Variants in TPRX1 observed in about 807,000 individuals in gnomAD.
TPRX1 encodes tetrapeptide repeat homeobox 1.
TPRX1 carries 2 observed loss-of-function variants against 8.1 expected under a neutral mutation model. That is an observed-to-expected ratio of 0.25 (90% CI 0.10 to 0.78). TPRX1 has a LOEUF of 0.78. TPRX1 is among the 30% of genes least tolerant of loss of function. TPRX1 has a pLI of 0.70. For synonymous variants in TPRX1, 257 were observed against 254.1 expected (o/e 1.01, Z -0.11); for missense variants, 517 against 586.9 (o/e 0.88, Z 1.23).
chr19:47,808,083 C>T (rs978530673), intron 2 of TPRX1, among the ~76,000 whole-genome samples: 5 of 151,634 alleles, frequency 3.3e-5, no homozygotes, highest in African/African-American at 1.2e-4. Context: ...GCAAGTACCA[C>T]CATGTCCGGG....
At chr19:47,814,026 C>T (rs1424880415) in intron 2 of TPRX1, among the ~76,000 whole-genome samples, 2 of 149,384 alleles carry the variant, frequency 1.3e-5, no homozygotes, top group Non-Finnish European at 3.0e-5. Context: ...TAGGGAACCA[C>T]ATTTAAGGGG....
rs538092726 is a variant in TPRX1 at position 47,802,985 on chromosome 19, G to T, written c.322-5C>A. On this transcript the variant is annotated splice_polypyrimidine_tract_variant and splice_region_variant and intron_variant, in intron 3 of 3. Transcript: ENST00000535759. ...GCGGCGATTCTTGAACCACACCTGG[G>T]GGGCAGAGGGGACAGGGAGAAGGTG... 1 of 1,541,824 alleles carries T rather than the reference G, an allele frequency of 6.5e-7. No individual in the cohort carries two copies. The highest frequency in any genetic ancestry group is 8.7e-7 in the Non-Finnish European group (1 of 1,153,080).
chr19:47,801,936 G>A (rs774244027), exon 4 of TPRX1: 55 of 1,614,048 alleles, frequency 3.4e-5, no homozygotes, highest in Admixed American at 5.0e-5. Flanking sequence ...GGGTCTAGGG[G>A]TAGGAGCAGC....
At chr19:47,809,213 G>A (rs570789978) in intron 2 of TPRX1, among the ~76,000 whole-genome samples, 2 of 152,218 alleles carry the variant, frequency 1.3e-5, no homozygotes, top group South Asian at 4.2e-4. Context: ...TTTGAAGAAT[G>A]TACACATTTA....
chr19:47,805,254 T>C (rs2123713488), intron 2 of TPRX1, among the ~76,000 whole-genome samples: 1 of 152,304 alleles, frequency 6.6e-6, no homozygotes, highest in East Asian at 1.9e-4. Flanking sequence ...TGCTGGTTTA[T>C]TCCAGTTTAT....
At chr19:47,811,562 G>A (rs35893188) in intron 2 of TPRX1, among the ~76,000 whole-genome samples, 3 of 147,938 alleles carry the variant, frequency 2.0e-5, no homozygotes, top group Admixed American at 6.9e-5. Context: ...ACAGTGGCGC[G>A]ATCTCGGCTC....
Position 47,803,860 on chromosome 19 carries a change from G to A in TPRX1, c.152-187C>T, listed in dbSNP as rs1209958620. Among the ~76,000 whole-genome samples, 3 of 151,978 alleles carry A rather than the reference G, an allele frequency of 2.0e-5. No individual in the cohort carries two copies. In the East Asian group the frequency reaches 5.9e-4, roughly 30 times the overall value. ...CCTCAGGGTCCACATCTAGGAAATA[G>A]GCGCGATAACAGCTCCTGGGAAGGC... On this transcript the variant is annotated intron_variant, in intron 2 of 3. Transcript: ENST00000535759.
intron 2 of TPRX1, among the ~76,000 whole-genome samples, chr19:47,805,461 G>A (rs907364608): frequency 3.9e-5 from 6 of 152,148 alleles, no homozygotes; most frequent in African/African-American, 1.4e-4. Flanking sequence ...TCAGAGATGC[G>A]TCTTCTCTGT....
At chr19:47,815,114 T>TCATATATATATATATA (rs1967819232) in intron 2 of TPRX1, among the ~76,000 whole-genome samples, 1 of 63,390 alleles carries the variant, frequency 1.6e-5, no homozygotes, top group African/African-American at 6.9e-5. Flanking sequence ...AATAGATAAA[T>TCATATATATATATATA]TATATATATA....
At chr19:47,815,137 TATATATGCAA>T (rs1257803818) in intron 2 of TPRX1, among the ~76,000 whole-genome samples, 5 of 111,726 alleles carry the variant, frequency 4.5e-5, no homozygotes, top group African/African-American at 1.8e-4. Context: ...TATATATATA[TATATATGCAA>T]ATATATATAT....
rs924631687 is a variant in TPRX1 at position 47,802,026 on chromosome 19, C to T, written c.1276G>A (p.Ala426Thr). ...CTCTGAGGCCATAAGGGGGCTGGGGCTGGGAGTGATCCTGGGCCTGGGATT... is the reference window on the plus strand; with the variant it reads ...CTCTGAGGCCATAAGGGGGCTGGGGTTGGGAGTGATCCTGGGCCTGGGATT... The change falls in exon 4 of 4, where the codon GCC becomes ACC. Residue 426 changes from alanine (A) to threonine (T), a missense_variant. Physicochemically the swap from Ala to Thr is moderately conservative, Grantham distance 58 (BLOSUM62 0). Coordinates refer to ENST00000535759, the Ensembl canonical transcript of TPRX1. 5.0e-6 allele frequency: 8 copies of T among 1,610,020 alleles called. No individual in the cohort carries two copies. In the African/African-American group the frequency reaches 1.1e-4, roughly 21 times the overall value.
chr19:47,807,327 A>G (rs1292877826), intron 2 of TPRX1, among the ~76,000 whole-genome samples: 3 of 152,094 alleles, frequency 2.0e-5, no homozygotes, highest in Admixed American at 2.0e-4. Flanking sequence ...AAGTACTGAT[A>G]TTACAGGCGT....
At chr19:47,804,274 C>G (rs1967713242) in intron 2 of TPRX1, among the ~76,000 whole-genome samples, 1 of 151,756 alleles carries the variant, frequency 6.6e-6, no homozygotes, top group African/African-American at 2.4e-5. Flanking sequence ...CGGCTGGTTT[C>G]AGAGTCCCGG....
chr19:47,814,060 A>AT (rs565480649), intron 2 of TPRX1, among the ~76,000 whole-genome samples: 16,187 of 139,446 alleles, frequency 0.12, 1,009 homozygotes, highest in South Asian at 0.15. Flanking sequence ...AACATTGCTG[A>AT]TTTTTTTTTT....
intron 2 of TPRX1, among the ~76,000 whole-genome samples, chr19:47,818,259 CCATCCATCCAT>C (rs1967863612): frequency 6.8e-6 from 1 of 146,720 alleles, no homozygotes; most frequent in African/African-American, 2.7e-5. Flanking sequence ...ATCCATCCAT[CCATCCATCCAT>C]CCATCCATCA....
At chr19:47,816,787 C>T (rs1041237670) in intron 2 of TPRX1, among the ~76,000 whole-genome samples, 1 of 151,996 alleles carries the variant, frequency 6.6e-6, no homozygotes, top group East Asian at 1.9e-4. Context: ...CCGCCTTGGC[C>T]TCCCAAAGTG....
intron 2 of TPRX1, among the ~76,000 whole-genome samples, chr19:47,817,043 A>C (rs1967850417): frequency 6.6e-6 from 1 of 152,220 alleles, no homozygotes; most frequent in Admixed American, 6.6e-5. Context: ...TGGGAGGCCC[A>C]AGGCTAGTTC....
chr19:47,818,472 G>A (rs1342573198), exon 2 of TPRX1: 1 of 455,960 alleles, frequency 2.2e-6, no homozygotes. Context: ...ACTTACTGCT[G>A]TGTGTCTGGG....
chr19:47,805,141 G>C (rs1013641145), intron 2 of TPRX1, among the ~76,000 whole-genome samples: 2 of 152,234 alleles, frequency 1.3e-5, no homozygotes, highest in Non-Finnish European at 2.9e-5. Context: ...TGGCCCTGCT[G>C]ATAATGGTTT....
Sources: allele counts gnomAD v4.1 joint callset (sites outside exome capture counted in the v4.1 genomes callset), GRCh38; gene constraint gnomAD v4.1.1; transcripts MANE v1.5; gene names NCBI Gene and HGNC (gene_info 2026-07-23, HGNC 2026-07-21).